PLEKHM3: variants seen among roughly 807,000 people sequenced by gnomAD.
The protein encoded by PLEKHM3 is pleckstrin homology domain containing M3.
Under a neutral mutation model 81.8 loss-of-function variants are expected in PLEKHM3, and 45 were observed. That is an observed-to-expected ratio of 0.55 (90% CI 0.43 to 0.71). PLEKHM3 has a LOEUF of 0.71. Ranked by LOEUF, PLEKHM3 falls within the 30% of genes least tolerant of loss-of-function variation. The pLI is 0.00. For missense variants in PLEKHM3, 788 were observed against 924.3 expected (o/e 0.85, Z 1.91); for synonymous variants, 352 against 356.4 (o/e 0.99, Z 0.14).
chr2:207,939,924 T>C (rs1689881105), intron 4 of PLEKHM3, among the ~76,000 whole-genome samples: 1 of 152,186 alleles, frequency 6.6e-6, no homozygotes, highest in Admixed American at 6.5e-5. Flanking sequence ...AGCGTAGGTG[T>C]GGCAGACGGA....
At chr2:207,904,561 C>G (rs1237055063) in intron 6 of PLEKHM3, among the ~76,000 whole-genome samples, 1 of 152,212 alleles carries the variant, frequency 6.6e-6, no homozygotes, top group African/African-American at 2.4e-5. Flanking sequence ...ATTAGGGACT[C>G]AGTCTGAGTA....
chr2:207,856,946 A>AT (rs916859860), intron 7 of PLEKHM3, among the ~76,000 whole-genome samples: 9 of 151,870 alleles, frequency 5.9e-5, no homozygotes, highest in African/African-American at 1.5e-4. Flanking sequence ...ATTTGTTCAG[A>AT]TTTTTTTTAA....
At chr2:207,956,300 A>G (rs1559255470) in intron 3 of PLEKHM3, among the ~76,000 whole-genome samples, 1 of 151,956 alleles carries the variant, frequency 6.6e-6, no homozygotes, top group African/African-American at 2.4e-5. Flanking sequence ...CCCCATCTAT[A>G]CTACAAATAC....
intron 6 of PLEKHM3, among the ~76,000 whole-genome samples, chr2:207,890,300 C>T (rs540463249): frequency 2.0e-5 from 3 of 152,210 alleles, no homozygotes; most frequent in Admixed American, 6.5e-5. Context: ...TCCTTAAATA[C>T]ATGACTGTGA....
chr2:207,961,167 C>A (rs889905973), intron 3 of PLEKHM3, among the ~76,000 whole-genome samples: 2 of 152,140 alleles, frequency 1.3e-5, no homozygotes, highest in African/African-American at 4.8e-5. Context: ...AGTGTGGATG[C>A]CTCCCAGCCA....
chr2:207,908,723 G>A (rs2105901538), intron 5 of PLEKHM3, 146 bp from the exon 6 acceptor site: 1 of 634,972 alleles, frequency 1.6e-6, no homozygotes, highest in Non-Finnish European at 2.6e-6. Flanking sequence ...TGAGGAACCT[G>A]TAATATCTTT....
chr2:207,908,039 GAAT>G (rs922928177), intron 6 of PLEKHM3, among the ~76,000 whole-genome samples: 1 of 152,156 alleles, frequency 6.6e-6, no homozygotes, highest in Admixed American at 6.5e-5. Context: ...TTCTATGGCA[GAAT>G]AATATTTTAT....
At chr2:207,950,977 G>A (rs1019782966) in intron 3 of PLEKHM3, among the ~76,000 whole-genome samples, 3 of 152,170 alleles carry the variant, frequency 2.0e-5, no homozygotes, top group African/African-American at 7.2e-5. Context: ...AAGATTAGAG[G>A]CTAGTTAGTG....
chr2:207,956,723 T>TTTTTTG, intron 3 of PLEKHM3, among the ~76,000 whole-genome samples: 1 of 113,664 alleles, frequency 8.8e-6, no homozygotes, highest in Non-Finnish European at 1.7e-5. Flanking sequence ...TTAAAATTTT[T>TTTTTTG]TTTTTTTTTT....
At chr2:208,019,580 C>G (rs556453571) in intron 1 of PLEKHM3, 1 of 152,284 alleles carries the variant, frequency 6.6e-6, no homozygotes, top group Non-Finnish European at 1.5e-5. Context: ...GCATCTCAAG[C>G]TATTTTTTTA....
intron 4 of PLEKHM3, among the ~76,000 whole-genome samples, chr2:207,935,846 A>G (rs1395327218): frequency 6.6e-6 from 1 of 152,226 alleles, no homozygotes; most frequent in African/African-American, 2.4e-5. Context: ...GTAGGCTACA[A>G]ATGAAGACTA....
intron 1 of PLEKHM3, among the ~76,000 whole-genome samples, chr2:208,006,942 G>A (rs1207260841): frequency 6.6e-6 from 1 of 152,240 alleles, no homozygotes; most frequent in African/African-American, 2.4e-5. Flanking sequence ...TTACATGCTC[G>A]TTAGGCAAGG....
intron 3 of PLEKHM3, among the ~76,000 whole-genome samples, chr2:207,964,786 CT>C (rs1223185312): frequency 6.6e-6 from 1 of 152,070 alleles, no homozygotes; most frequent in Non-Finnish European, 1.5e-5. Flanking sequence ...TTAATTAAAA[CT>C]TTTTTATGTT....
At chr2:207,852,929 C>A in intron 7 of PLEKHM3, 1 of 398,474 alleles carries the variant, frequency 2.5e-6, no homozygotes, top group Non-Finnish European at 4.8e-6. Flanking sequence ...ACTTCTTTCT[C>A]ACTCAACATG....
At chr2:207,963,510 T>C (rs977776395) in intron 3 of PLEKHM3, among the ~76,000 whole-genome samples, 1 of 152,166 alleles carries the variant, frequency 6.6e-6, no homozygotes, top group Non-Finnish European at 1.5e-5. Flanking sequence ...AAAGTCAGAA[T>C]GAAAGCAGGA....
intron 1 of PLEKHM3, among the ~76,000 whole-genome samples, chr2:208,015,137 A>G (rs909811213): frequency 6.6e-6 from 1 of 152,198 alleles, no homozygotes. Context: ...TTAAATCCTC[A>G]CAACCACCCT....
chr2:207,916,351 T>C (rs567145539), intron 5 of PLEKHM3, among the ~76,000 whole-genome samples: 18 of 152,362 alleles, frequency 1.2e-4, no homozygotes, highest in African/African-American at 3.6e-4. Context: ...ATATCATAGC[T>C]GTTATATACC....
intron 6 of PLEKHM3, among the ~76,000 whole-genome samples, chr2:207,881,228 TC>T (rs2097241357): frequency 6.6e-6 from 1 of 152,222 alleles, no homozygotes; most frequent in African/African-American, 2.4e-5. Flanking sequence ...AGCTAATTCT[TC>T]TGAAGATTAT....
chr2:208,020,946 A>G (rs1054170120), intron 1 of PLEKHM3, among the ~76,000 whole-genome samples: 1 of 152,170 alleles, frequency 6.6e-6, no homozygotes. Context: ...AAAGAATCCT[A>G]AAAAAACTGC....
Sources: gnomAD v4.1 joint callset for allele counts (sites outside exome capture counted in the v4.1 genomes callset) on GRCh38, gnomAD v4.1.1 for gene constraint, MANE v1.5 for transcripts, NCBI Gene and HGNC (gene_info 2026-07-23, HGNC 2026-07-21) for gene names.